Variants in PIAS3 observed in about 807,000 individuals in gnomAD.
PIAS3 encodes the protein protein inhibitor of activated STAT 3, also known as E3 SUMO-protein ligase PIAS3.
A neutral mutation model predicts 67.6 loss-of-function variants in PIAS3; 34 were observed. The observed-to-expected ratio is 0.50, with a 90% confidence interval of 0.38 to 0.67. PIAS3 has a LOEUF of 0.67. PIAS3 is among the 30% of genes least tolerant of loss of function. The pLI, the probability that PIAS3 is intolerant of heterozygous loss-of-function variation, is 0.00. For synonymous variants in PIAS3, 341 were observed against 313.8 expected, an observed-to-expected ratio of 1.09 and a Z score of -0.92; for missense variants, 693 against 791.6, an observed-to-expected ratio of 0.88 and a Z score of 1.49.
At position 145,850,600 on chromosome 1, in the gene PIAS3, G is replaced by A. The variant is rs782751082; in HGVS notation, c.1449-14C>T. 38 of 1,611,640 alleles carry A rather than the reference G, an allele frequency of 2.4e-5. No individual in the cohort carries two copies. The highest frequency in any genetic ancestry group is 3.1e-5 in the Non-Finnish European group (37 of 1,178,086). On this transcript the variant is annotated splice_polypyrimidine_tract_variant and intron_variant, in intron 11 of 13. Coordinates refer to ENST00000393045, the MANE Select transcript of PIAS3 (RefSeq NM_006099.3). ...GATGTCAGGACTCTGTGGGTAGAGAGGAGCTGAGGCAGCCAGCAAACCACA... is the reference window on the plus strand; with the variant it reads ...GATGTCAGGACTCTGTGGGTAGAGAAGAGCTGAGGCAGCCAGCAAACCACA...
chr1:145,851,918 C>A (rs1553734482), intron 9 of PIAS3, among the ~76,000 whole-genome samples: 1 of 150,744 alleles, frequency 6.6e-6, no homozygotes, highest in Non-Finnish European at 1.5e-5. Flanking sequence ...CGAGACTGTG[C>A]CATACCACTC....
intron 13 of PIAS3, 190 bp from the exon 14 acceptor site, chr1:145,849,902 A>C (rs1334242025): frequency 6.9e-7 from 1 of 1,440,810 alleles, no homozygotes; most frequent in Non-Finnish European, 9.1e-7. Context: ...GCCTTGAGAG[A>C]GCTCCTCCAA....
intron 3 of PIAS3, 64 bp from the exon 4 acceptor site, chr1:145,856,182 A>C (rs1553735559): frequency 2.1e-6 from 3 of 1,435,842 alleles, no homozygotes; most frequent in Non-Finnish European, 2.9e-6. Flanking sequence ...GGGTGAATGC[A>C]CAGAAAGGCT....
At chr1:145,855,318 C>T (rs936024440) in intron 5 of PIAS3, among the ~76,000 whole-genome samples, 5 of 152,036 alleles carry the variant, frequency 3.3e-5, no homozygotes, top group African/African-American at 1.2e-4. Context: ...TCCGTCTCTA[C>T]TAAAAATACA....
chr1:145,851,792 A>G (rs587724424), intron 9 of PIAS3, among the ~76,000 whole-genome samples: 4 of 151,606 alleles, frequency 2.6e-5, no homozygotes, highest in Admixed American at 2.6e-4. Context: ...CATCTCTACC[A>G]AAAATACAAA....
intron 1 of PIAS3, among the ~76,000 whole-genome samples, chr1:145,857,570 A>G (rs1653243663): frequency 6.6e-6 from 1 of 152,076 alleles, no homozygotes. Context: ...TATTTCCCCC[A>G]AGCCTCTGAA....
chr1:145,850,677 T>C (rs1652922202), intron 11 of PIAS3, 91 bp from the exon 12 acceptor site: 1 of 1,595,612 alleles, frequency 6.3e-7, no homozygotes, highest in Non-Finnish European at 8.6e-7. Context: ...CCCCTCCACA[T>C]TTCTCTTGCC....
intron 5 of PIAS3, 144 bp downstream of exon 5, chr1:145,855,592 T>G (rs1653139097): frequency 1.5e-6 from 1 of 646,264 alleles, no homozygotes; most frequent in Non-Finnish European, 2.8e-6. Context: ...ACTCTCGAGA[T>G]TCTATTGATT....
chr1:145,850,791 C>CAGTGCTTCTT lies in PIAS3; in HGVS notation c.1427_1428insAAGAAGCACT (p.Ala477ArgfsTer42). Reference sequence around the variant, plus strand: ...CATACCCTTTGCTTCCAGGTAGGGCCGGGATGGCAGCTGAGGTGACAGAAC... The same window carrying CAGTGCTTCTT: ...CATACCCTTTGCTTCCAGGTAGGGCCAGTGCTTCTTGGGATGGCAGCTGAGGTGACAGAAC... On this transcript the variant is annotated frameshift_variant, in exon 11 of 14. Transcript: ENST00000393045. LOFTEE classifies it high-confidence loss of function. 1 of 1,614,172 alleles carries CAGTGCTTCTT rather than the reference C, an allele frequency of 6.2e-7. No individual in the cohort carries two copies. Among genetic ancestry groups the CAGTGCTTCTT allele is most frequent in the Admixed American group, 1.7e-5 (1 of 60,026 alleles).
chr1:145,850,751 C>A lies in PIAS3; in HGVS notation c.1448+20G>T. On this transcript the variant is annotated intron_variant, in intron 11 of 13. Coordinates refer to ENST00000393045, the MANE Select transcript of PIAS3 (RefSeq NM_006099.3). ...CTTCCCCTGTCCGTTTTGCTGTAGA[C>A]TCAGCCTATTTTCTCATACCCTTTG... 6.2e-7 allele frequency: 1 copy of A among 1,613,554 alleles called. No individual in the cohort carries two copies. The highest frequency in any genetic ancestry group is 8.5e-7 in the Non-Finnish European group (1 of 1,179,622).
At position 145,851,040 on chromosome 1, in the gene PIAS3, G is replaced by C. The variant is rs369391516; in HGVS notation, c.1259C>G (p.Pro420Arg). 6.2e-6 allele frequency: 10 copies of C among 1,614,154 alleles called. No individual in the cohort carries two copies. Among genetic ancestry groups the C allele is most frequent in the South Asian group, 1.1e-5 (1 of 91,086 alleles). The stretch of plus-strand genomic sequence containing the variant: ...CTCACCATCCAGCCCATACCCTGGC[G>C]GGGGGCAAACCTCAGATGCCTCCTT... ...PKKEASEVCP[P>R]PGYGLDGLQY... Residue 420 changes from proline (P) to arginine (R), a missense_variant, in exon 10 of 14, where the codon CCG (proline) becomes CGG (arginine). Transcript: ENST00000393045.
In PIAS3 at chr1:145,854,978, G is replaced by A. The variant is rs1316795137; in HGVS notation, c.670-98C>T. ...CTTGTCTCGGGTTATTCAATCCCTG[G>A]AGGGAAGGCCAACTCGCTCACTCAC... On this transcript the variant is annotated intron_variant, in intron 5 of 13. Transcript: ENST00000393045. The A allele has an allele frequency of 2.2e-5, 32 of 1,449,658 alleles. No individual in the cohort carries two copies. The East Asian group carries it at 7.3e-4, about 33-fold the overall frequency. 89.8% of individuals were successfully genotyped at this position (1,449,658 alleles called of 1,614,324 possible). A position where few individuals can be genotyped will look rare whatever the true frequency, so the allele number is the denominator to read the frequency against.
In PIAS3 at chr1:145,859,012, C is replaced by T; in HGVS notation, c.-22G>A. ...CCATCTTGAGACATCGCAGGCGCCCCAGCCGGAGCCGGAGCTCAGGCCCAG... is the reference window on the plus strand; with the variant it reads ...CCATCTTGAGACATCGCAGGCGCCCTAGCCGGAGCCGGAGCTCAGGCCCAG... On this transcript the variant is annotated 5_prime_UTR_variant, in exon 1 of 14. Transcript: ENST00000393045. The T allele has an allele frequency of 6.5e-7, 1 of 1,543,888 alleles. No homozygotes were observed. The highest frequency in any genetic ancestry group is 8.7e-7 in the Non-Finnish European group (1 of 1,145,950).
At chr1:145,855,699 TA>T in intron 5 of PIAS3, 36 bp downstream of exon 5, 1 of 1,061,578 alleles carries the variant, frequency 9.4e-7, no homozygotes, top group Non-Finnish European at 1.4e-6. Context: ...ACTGAAACGG[TA>T]AGGGATTACT....
Position 145,849,400 on chromosome 1 carries a change from C to T in PIAS3, c.*46G>A. ...GCTGGGGTTGGGACTCCACAGCATA[C>T]TTGCTCAGTGTTGGGGGACAGCGAA... On this transcript the variant is annotated 3_prime_UTR_variant, in exon 14 of 14. Coordinates refer to ENST00000393045, the MANE Select transcript of PIAS3 (RefSeq NM_006099.3). The T allele has an allele frequency of 6.9e-7, 1 of 1,451,560 alleles. No individual in the cohort carries two copies. The highest frequency in any genetic ancestry group is 1.5e-5 in the South Asian group (1 of 66,220). 89.9% of individuals were successfully genotyped at this position (1,451,560 alleles called of 1,614,324 possible). A position where few individuals can be genotyped will look rare whatever the true frequency, so the allele number is the denominator to read the frequency against.
Position 145,850,409 on chromosome 1 carries a change from G to A in PIAS3, c.1582+44C>T, listed in dbSNP as rs782096613. 1.2e-5 allele frequency: 19 copies of A among 1,612,304 alleles called. No individual in the cohort carries two copies. In the South Asian group the frequency reaches 2.0e-4, roughly 17 times the overall value. ...ACAGGGGTTCTGATGTAGCTCTGGG[G>A]AGGGTGTGGCAGTGCAGGGTCCATC... is the stretch of plus-strand genomic sequence containing the variant. On this transcript the variant is annotated intron_variant, in intron 12 of 13. Coordinates refer to ENST00000393045, the MANE Select transcript of PIAS3 (RefSeq NM_006099.3).
In PIAS3 at chr1:145,855,666, AG is replaced by A. The variant is rs1321691350; in HGVS notation, c.669+69del. On this transcript the variant is annotated intron_variant, in intron 5 of 13. Coordinates refer to ENST00000393045, the MANE Select transcript of PIAS3 (RefSeq NM_006099.3). ...GTGCTAGGCATGTCTCTTTCAGAAT[AG>A]GTTTGTAGTTAATATTTATGAACTG... The A allele has an allele frequency of 1.4e-5, 12 of 832,066 alleles. No homozygotes were observed. In the East Asian group the frequency reaches 2.4e-4, roughly 17 times the overall value. 51.5% of individuals were successfully genotyped at this position (832,066 alleles called of 1,614,324 possible).
intron 13 of PIAS3, chr1:145,850,030 C>G: frequency 6.9e-7 from 1 of 1,444,096 alleles, no homozygotes. Context: ...AGAAAAGTAA[C>G]AGGGGATCTA....
chr1:145,857,131 C>T (rs1194748854), intron 1 of PIAS3, 125 bp from the exon 2 acceptor site: 10 of 818,426 alleles, frequency 1.2e-5, no homozygotes, highest in South Asian at 4.9e-5. Context: ...GATGATGCTT[C>T]GCAGCTAGTG....
Sources: allele counts gnomAD v4.1 joint callset (sites outside exome capture counted in the v4.1 genomes callset), GRCh38; gene constraint gnomAD v4.1.1; transcripts MANE v1.5; gene names NCBI Gene and HGNC (gene_info 2026-07-23, HGNC 2026-07-21).